ZPBP: variants seen among roughly 807,000 people sequenced by gnomAD.
The protein encoded by ZPBP is zona pellucida binding protein.
A neutral mutation model predicts 44.8 loss-of-function variants in ZPBP; 26 were observed. That is an observed-to-expected ratio of 0.58 (90% CI 0.43 to 0.81). The LOEUF (loss-of-function observed/expected upper bound fraction) is 0.81, where lower values mean the gene tolerates loss of function less well. ZPBP is among the 30% of genes least tolerant of loss of function. ZPBP has a pLI of 0.00. For synonymous variants in ZPBP, 174 were observed against 153.2 expected (o/e 1.14, Z -1.00); for missense variants, 409 against 434.0 (o/e 0.94, Z 0.51).
chr7:49,986,812 G>A (rs1797303183), intron 6 of ZPBP, among the ~76,000 whole-genome samples: 1 of 152,126 alleles, frequency 6.6e-6, no homozygotes, highest in African/African-American at 2.4e-5. Context: ...AATCTGGAGT[G>A]GTTCACATGT....
At chr7:49,855,264 G>A (rs1481472691) in intron 2 of ZPBP, among the ~76,000 whole-genome samples, 5 of 152,114 alleles carry the variant, frequency 3.3e-5, no homozygotes, top group African/African-American at 1.2e-4. Flanking sequence ...GGAAAACACT[G>A]GGTCATAGTT....
intron 7 of ZPBP, among the ~76,000 whole-genome samples, chr7:49,969,840 G>A (rs796166497): frequency 0.23 from 26,299 of 116,084 alleles, 3,041 homozygotes; most frequent in East Asian, 0.61. Flanking sequence ...GAGAGAGAGA[G>A]AGAGAAAGAG....
chr7:50,000,677 A>AGT (rs1465973967), intron 6 of ZPBP, among the ~76,000 whole-genome samples: 2 of 152,208 alleles, frequency 1.3e-5, no homozygotes, highest in East Asian at 3.8e-4. Context: ...ATCTGGAAGC[A>AGT]GTACAGGTAG....
At chr7:49,906,798 G>A (rs1246451478) in intron 1 of ZPBP, among the ~76,000 whole-genome samples, 2 of 151,950 alleles carry the variant, frequency 1.3e-5, no homozygotes, top group Non-Finnish European at 2.9e-5. Context: ...GTTGCTTTCT[G>A]CCTCTAGGAT....
At chr7:49,906,169 T>C (rs932260738) in intron 1 of ZPBP, among the ~76,000 whole-genome samples, 3 of 152,196 alleles carry the variant, frequency 2.0e-5, no homozygotes, top group African/African-American at 7.2e-5. Context: ...CTTTACTCTA[T>C]GGACTCACCC....
chr7:49,937,366 G>A (rs148121086), downstream of ZPBP: 3 of 602,568 alleles, frequency 5.0e-6, no homozygotes, highest in African/African-American at 5.6e-5. Flanking sequence ...AAGACTAGAG[G>A]ATTTTCATCC....
downstream of ZPBP, among the ~76,000 whole-genome samples, chr7:49,935,523 T>A (rs1983161): frequency 6.6e-6 from 1 of 151,844 alleles, no homozygotes; most frequent in Non-Finnish European, 1.5e-5. Flanking sequence ...CTCAGCCTCC[T>A]GAGTAGCTGG....
At chr7:50,000,320 A>G (rs975080428) in intron 6 of ZPBP, among the ~76,000 whole-genome samples, 2 of 152,182 alleles carry the variant, frequency 1.3e-5, no homozygotes, top group African/African-American at 4.8e-5. Flanking sequence ...AAATTATTAG[A>G]CATGTATGTC....
intron 7 of ZPBP, among the ~76,000 whole-genome samples, chr7:49,981,562 A>G (rs1476820403): frequency 2.4e-4 from 15 of 62,396 alleles, no homozygotes; most frequent in African/African-American, 6.6e-4. Flanking sequence ...TAAATTATAT[A>G]TTATATAATT....
chr7:49,957,683 G>A (rs552196761), intron 7 of ZPBP, among the ~76,000 whole-genome samples: 1 of 152,264 alleles, frequency 6.6e-6, no homozygotes, highest in East Asian at 1.9e-4. Context: ...CAACCTAGGG[G>A]CCCAGGCAGA....
chr7:49,898,578 A>G (rs1376681150), intron 2 of ZPBP, among the ~76,000 whole-genome samples: 1 of 152,112 alleles, frequency 6.6e-6, no homozygotes, highest in East Asian at 1.9e-4. Flanking sequence ...ACATATGTAT[A>G]TACACACACA....
chr7:49,919,288 C>G (rs1387994499), intron 1 of ZPBP: 1 of 152,102 alleles, frequency 6.6e-6, no homozygotes, highest in Non-Finnish European at 1.5e-5. Context: ...CCATGAAGCT[C>G]TGAGTCAAGG....
intron 4 of ZPBP, among the ~76,000 whole-genome samples, chr7:50,046,521 G>A (rs762159172): frequency 1.3e-5 from 2 of 151,868 alleles, no homozygotes; most frequent in Non-Finnish European, 2.9e-5. Flanking sequence ...AGACATTTAT[G>A]TGGACAACAA....
chr7:50,060,349 T>C (rs1207187669), intron 3 of ZPBP, among the ~76,000 whole-genome samples: 1 of 151,674 alleles, frequency 6.6e-6, no homozygotes, highest in Non-Finnish European at 1.5e-5. Flanking sequence ...CAAAAAAACA[T>C]ACAAAAGATC....
At chr7:49,853,536 T>C (rs1790284144) in intron 2 of ZPBP, among the ~76,000 whole-genome samples, 1 of 152,028 alleles carries the variant, frequency 6.6e-6, no homozygotes. Context: ...GTTTTTGGTT[T>C]TTTTTTTCTT....
At chr7:50,090,967 A>C (rs985920153) in intron 1 of ZPBP, among the ~76,000 whole-genome samples, 1 of 151,660 alleles carries the variant, frequency 6.6e-6, no homozygotes, top group Non-Finnish European at 1.5e-5. Context: ...CATCCACACC[A>C]ACATCTATTT....
At chr7:49,924,995 T>G (rs1794178512) in intron 1 of ZPBP, among the ~76,000 whole-genome samples, 1 of 152,168 alleles carries the variant, frequency 6.6e-6, no homozygotes, top group Non-Finnish European at 1.5e-5. Flanking sequence ...TGCACCCTCC[T>G]CCAGGTAAAC....
At chr7:49,897,167 T>G (rs1792429977) in intron 2 of ZPBP, among the ~76,000 whole-genome samples, 1 of 152,022 alleles carries the variant, frequency 6.6e-6, no homozygotes, top group African/African-American at 2.4e-5. Context: ...AGTGCTGGGA[T>G]TACAGGCGTG....
intron 2 of ZPBP, among the ~76,000 whole-genome samples, chr7:49,859,167 A>G (rs1024008902): frequency 2.0e-5 from 3 of 152,190 alleles, no homozygotes; most frequent in African/African-American, 7.2e-5. Context: ...AGCAATACCA[A>G]AATTATAATA....
Sources: gnomAD v4.1 joint callset for allele counts (sites outside exome capture counted in the v4.1 genomes callset) on GRCh38, gnomAD v4.1.1 for gene constraint, MANE v1.5 for transcripts, NCBI Gene and HGNC (gene_info 2026-07-23, HGNC 2026-07-21) for gene names.